The following CA5A variants were observed in gnomAD, a reference collection of about 807,000 sequenced individuals.
The protein encoded by CA5A is carbonic anhydrase 5A, mitochondrial.
CA5A carries 28 observed loss-of-function variants against 37.1 expected under a neutral mutation model. The observed-to-expected ratio is 0.75, with a 90% CI of 0.56 to 1.03. CA5A has a LOEUF of 1.03. Ranked by LOEUF, CA5A falls within the 50% of genes least tolerant of loss-of-function variation. The pLI is 0.00. For missense variants in CA5A, 444 were observed against 399.9 expected (o/e 1.11, Z -0.94); for synonymous variants, 171 against 158.4 (o/e 1.08, Z -0.60).
At chr16:87,920,240 C>CTGA (rs2056211611) in intron 2 of CA5A, among the ~76,000 whole-genome samples, 2 of 152,236 alleles carry the variant, frequency 1.3e-5, no homozygotes, top group South Asian at 4.1e-4. Flanking sequence ...AGGATGGAAA[C>CTGA]TGATGATCCT....
At chr16:87,900,599 CCTT>C (rs1441245163) in intron 5 of CA5A, among the ~76,000 whole-genome samples, 1 of 152,240 alleles carries the variant, frequency 6.6e-6, no homozygotes, top group East Asian at 1.9e-4. Context: ...TGGAATTTCT[CCTT>C]CTCCCTCAAA....
At position 87,888,225 on chromosome 16, in the gene CA5A, C is replaced by T. The variant is rs2055665445; in HGVS notation, c.822G>A (p.Glu274=). Reference sequence around the variant, plus strand: ...GGCGATAGTTGTTCACCATCATCTTCTCCTCTTCACCAAGTGCAGAAAACA... The same window carrying T: ...GGCGATAGTTGTTCACCATCATCTTTTCCTCTTCACCAAGTGCAGAAAACA... The part of the protein sequence containing the change: ...TLLFSALGEE[E]KMMVNNYRPL... Residue 274 remains glutamate (E), a synonymous_variant, in exon 7 of 7, where the codon GAG becomes GAA. Coordinates refer to ENST00000649794, the MANE Select transcript of CA5A (RefSeq NM_001739.2). 6.2e-7 allele frequency: 1 copy of T among 1,613,888 alleles called. No individual in the cohort carries two copies. Among genetic ancestry groups the T allele is most frequent in the Non-Finnish European group, 8.5e-7 (1 of 1,179,840 alleles).
chr16:87,897,433 C>A (rs1301320869), intron 5 of CA5A, among the ~76,000 whole-genome samples: 9 of 143,946 alleles, frequency 6.3e-5, no homozygotes, highest in Non-Finnish European at 9.2e-5. Flanking sequence ...CAGGACCACA[C>A]TGGGGCTGTG....
At chr16:87,917,635 G>GCA (rs1491307399) in intron 2 of CA5A, among the ~76,000 whole-genome samples, 7 of 149,940 alleles carry the variant, frequency 4.7e-5, no homozygotes, top group African/African-American at 1.2e-4. Flanking sequence ...ACACACATGT[G>GCA]CGCACACACA....
rs2056052420 is a variant in CA5A, at chr16:87,911,514, T to G, written c.341-6610A>C. Among the ~76,000 whole-genome samples, 1 of 152,164 alleles carries G rather than the reference T, an allele frequency of 6.6e-6. No homozygotes were observed. Among genetic ancestry groups the G allele is most frequent in the Non-Finnish European group, 1.5e-5 (1 of 68,022 alleles). ...ACACGAGAAGTTTGAGATGTTCTAA[T>G]TACTGGAAATTTCAAATAACATGAT... On this transcript the variant is annotated intron_variant, in intron 2 of 6. Coordinates refer to ENST00000649794, the MANE Select transcript of CA5A (RefSeq NM_001739.2). The surrounding 1 kb of genome is among the most constrained non-coding windows in gnomAD (Gnocchi z 4.6).
chr16:87,929,345 G>A (rs1329324540), intron 1 of CA5A, among the ~76,000 whole-genome samples: 1 of 150,978 alleles, frequency 6.6e-6, no homozygotes, highest in Non-Finnish European at 1.5e-5. Flanking sequence ...CCAGCTACCG[G>A]GGAGGCTGAG....
At chr16:87,886,632 A>C (rs375697419), downstream of CA5A, 1 of 152,182 alleles carries the variant, frequency 6.6e-6, no homozygotes, top group African/African-American at 2.4e-5. Context: ...CAGGAGAACT[A>C]TTGGAGCCCA....
chr16:87,914,747 G>C (rs1034333051), intron 2 of CA5A, among the ~76,000 whole-genome samples: 22 of 152,316 alleles, frequency 1.4e-4, no homozygotes, highest in African/African-American at 5.0e-4. Context: ...CCACAAGGTG[G>C]TCAGGACCTC....
At chr16:87,922,123 C>T (rs1187056288) in intron 2 of CA5A, among the ~76,000 whole-genome samples, 1 of 152,092 alleles carries the variant, frequency 6.6e-6, no homozygotes, top group South Asian at 2.1e-4. Context: ...TGTGAGCCGC[C>T]GGGCCGACAG....
chr16:87,927,759 G>A (rs2056332446), intron 1 of CA5A, among the ~76,000 whole-genome samples: 1 of 151,776 alleles, frequency 6.6e-6, no homozygotes. Flanking sequence ...TACTCAGGAG[G>A]CTGAGGCAGG....
In CA5A at chr16:87,926,689, G is replaced by C. The variant is rs1163418799; in HGVS notation, c.340+59C>G. On this transcript the variant is annotated intron_variant, in intron 2 of 6. Transcript: ENST00000649794. ...CCTCCCCCTTCTCCGCGAAGCTCTT[G>C]ACCCTGCTGCCAGAACAACGGGAGA... 2.5e-5 allele frequency: 34 copies of C among 1,374,998 alleles called. 1 individual carries two copies. The South Asian group carries it at 3.9e-4, about 16-fold the overall frequency. The allele number at this position is 1,374,998 out of a possible 1,614,324, so 85.2% of individuals were successfully genotyped here.
intron 5 of CA5A, among the ~76,000 whole-genome samples, chr16:87,898,290 G>A (rs576987523): frequency 2.6e-5 from 4 of 152,234 alleles, no homozygotes; most frequent in Admixed American, 6.5e-5. Context: ...GCCCGTCCCT[G>A]GGTGAGAACT....
chr16:87,908,387 GCGCAT>G (rs1397946578), intron 2 of CA5A, among the ~76,000 whole-genome samples: 1 of 152,174 alleles, frequency 6.6e-6, no homozygotes, highest in Non-Finnish European at 1.5e-5. Context: ...GGTGGTGATT[GCGCAT>G]CGCACACCCT....
intron 2 of CA5A, among the ~76,000 whole-genome samples, chr16:87,921,168 A>G (rs1193828251): frequency 6.6e-6 from 1 of 152,112 alleles, no homozygotes; most frequent in Non-Finnish European, 1.5e-5. Flanking sequence ...ACCTCAAGCA[A>G]TCCACCTGCC....
intron 1 of CA5A, among the ~76,000 whole-genome samples, chr16:87,929,172 C>T (rs954534659): frequency 5.3e-5 from 8 of 149,736 alleles, no homozygotes; most frequent in Admixed American, 1.3e-4. Context: ...ATAGCCCTGG[C>T]TGGGCGCGGT....
intron 2 of CA5A, 60 bp downstream of exon 2, chr16:87,926,688 T>G: frequency 7.3e-7 from 1 of 1,374,616 alleles, no homozygotes; most frequent in East Asian, 2.3e-5. Flanking sequence ...GCGAAGCTCT[T>G]GACCCTGCTG....
At chr16:87,904,657 G>C in intron 3 of CA5A, 129 bp downstream of exon 3, 1 of 627,918 alleles carries the variant, frequency 1.6e-6, no homozygotes, top group Non-Finnish European at 2.9e-6. Context: ...TCTGGTTTGA[G>C]CACTGACAGT....
intron 1 of CA5A, among the ~76,000 whole-genome samples, chr16:87,930,302 T>A (rs1042501753): frequency 1.3e-5 from 2 of 152,176 alleles, no homozygotes; most frequent in African/African-American, 4.8e-5. Context: ...GGCCGGGGGC[T>A]GGAGTCACTT....
intron 1 of CA5A, among the ~76,000 whole-genome samples, chr16:87,929,803 C>T (rs993364200): frequency 1.4e-4 from 18 of 126,982 alleles, no homozygotes; most frequent in Non-Finnish European, 2.3e-4. Context: ...GCCCGGGAGG[C>T]GGAGCTTGCA....
Sources: gnomAD v4.1 joint callset for allele counts (sites outside exome capture counted in the v4.1 genomes callset) on GRCh38, gnomAD v4.1.1 for gene constraint, Gnocchi (gnomAD v3.1) non-coding constraint, MANE v1.5 for transcripts, NCBI Gene and HGNC (gene_info 2026-07-23, HGNC 2026-07-21) for gene names.